LIX1L: variants seen among roughly 807,000 people sequenced by gnomAD.
LIX1L encodes the protein limb and CNS expressed 1 like.
Under a neutral mutation model 34.0 loss-of-function variants are expected in LIX1L, and 20 were observed. The ratio of observed to expected loss-of-function variants is 0.59; its 90% CI spans 0.41 to 0.85. The LOEUF is 0.85. Ranked by LOEUF, LIX1L falls within the 40% of genes least tolerant of loss-of-function variation. LIX1L has a pLI of 0.00. For synonymous variants in LIX1L, 170 were observed against 187.4 expected, an observed-to-expected ratio of 0.91 and a Z score of 0.76; for missense variants, 397 against 447.0, an observed-to-expected ratio of 0.89 and a Z score of 1.01.
chr1:145,942,613 AAAC>A (rs1648960845), intron 3 of LIX1L, 97 bp downstream of exon 3: 1 of 1,118,694 alleles, frequency 8.9e-7, no homozygotes, highest in Non-Finnish European at 1.3e-6. Flanking sequence ...ACCAGAAAGA[AAAC>A]AAGAATTCAT....
At chr1:145,952,156 G>T (rs1553759884) in intron 1 of LIX1L, among the ~76,000 whole-genome samples, 1 of 152,128 alleles carries the variant, frequency 6.6e-6, no homozygotes, top group African/African-American at 2.4e-5. Flanking sequence ...AGATTTCCGG[G>T]GGCCAATATT....
rs1553760652 is a variant in LIX1L, at chr1:145,957,850, G to A, written c.78C>T (p.Pro26=). The A allele has an allele frequency of 1.4e-6, 2 of 1,446,732 alleles. No individual in the cohort carries two copies. Among genetic ancestry groups the A allele is most frequent in the Non-Finnish European group, 1.8e-6 (2 of 1,101,988 alleles). 89.6% of individuals were successfully genotyped at this position (1,446,732 alleles called of 1,614,324 possible). A position where few individuals can be genotyped will look rare whatever the true frequency, so the allele number is the denominator to read the frequency against. The change falls in exon 1 of 6, where the codon CCC becomes CCT. Residue 26 remains proline, a synonymous_variant. Transcript: ENST00000604000. ...SGRGTLRALR[P]GVTGAAAATA... is the part of the protein sequence containing the mutation. Reference sequence around the variant, plus strand: ...TGGCGGCCGCGGCCCCAGTCACTCCGGGCCGCAGCGCTCGGAGAGTGCCCC... The same window carrying A: ...TGGCGGCCGCGGCCCCAGTCACTCCAGGCCGCAGCGCTCGGAGAGTGCCCC...
chr1:145,938,517 T>A, intron 3 of LIX1L, among the ~76,000 whole-genome samples: 1 of 152,190 alleles, frequency 6.6e-6, no homozygotes, highest in East Asian at 1.9e-4. Flanking sequence ...ATGGGAATAA[T>A]CATAGAGCTA....
intron 2 of LIX1L, among the ~76,000 whole-genome samples, chr1:145,944,255 G>A (rs1209956946): frequency 6.6e-6 from 1 of 152,130 alleles, no homozygotes; most frequent in Admixed American, 6.5e-5. Context: ...AGCTAGTCAG[G>A]AGGTTGAGGT....
At chr1:145,957,496 C>A in intron 1 of LIX1L, 140 bp downstream of exon 1, 2 of 1,204,488 alleles carry the variant, frequency 1.7e-6, no homozygotes, top group Non-Finnish European at 2.1e-6. Flanking sequence ...TGCGTCTGTG[C>A]GTGTGCGTAG....
chr1:145,951,314 C>CGG (rs781977155), intron 1 of LIX1L, among the ~76,000 whole-genome samples: 1 of 152,172 alleles, frequency 6.6e-6, no homozygotes, highest in South Asian at 2.1e-4. Flanking sequence ...CCCAAACTGC[C>CGG]GGGATTACAG....
chr1:145,936,415 A>C lies in LIX1L; in HGVS notation c.909T>G (p.Asp303Glu). 6.2e-7 allele frequency: 1 copy of C among 1,614,160 alleles called. No individual in the cohort carries two copies. The highest frequency in any genetic ancestry group is 1.1e-5 in the South Asian group (1 of 91,080). The change falls in exon 6 of 6, where the codon GAT becomes GAG. Residue 303 changes from aspartate to glutamate, a missense_variant. Physicochemically the swap from Asp to Glu is conservative, Grantham distance 45. This residue lies in a region of LIX1L where 174 missense variants were observed against 204.0 expected (regional missense o/e 0.85). Transcript: ENST00000604000. ...RELASTEREL[D>E]EARLAGKELR... ...GCTCCTTGCCTGCCAGTCGGGCTTC[A>C]TCCAGCTCCCGCTCAGTAGAGGCCA...
intron 2 of LIX1L, chr1:145,944,758 T>G (rs1381702579): frequency 6.6e-6 from 1 of 152,486 alleles, no homozygotes; most frequent in East Asian, 1.9e-4. Flanking sequence ...CTGGGCGAGG[T>G]GGCTCACACC....
Position 145,952,012 on chromosome 1 carries a change from T to G in LIX1L, c.293-4230A>C, listed in dbSNP as rs587750613. The stretch of plus-strand genomic sequence containing the variant: ...AAAGCAACTAATTGTGATCCGCATT[T>G]GAAAATGCTTCTAGACTTATTCATT... On this transcript the variant is annotated intron_variant, in intron 1 of 5. Transcript: ENST00000604000. Among the ~76,000 whole-genome samples the G allele has an allele frequency of 5.9e-5, 9 of 152,338 alleles. No individual in the cohort carries two copies. In the East Asian group the frequency reaches 1.3e-3, roughly 23 times the overall value.
intron 2 of LIX1L, among the ~76,000 whole-genome samples, 179 bp from the exon 3 acceptor site, chr1:145,943,032 A>G (rs1440694998): frequency 6.6e-6 from 1 of 152,224 alleles, no homozygotes. Flanking sequence ...TGGAAACATA[A>G]TTTTGATTCA....
intron 1 of LIX1L, among the ~76,000 whole-genome samples, chr1:145,954,000 C>T (rs781829683): frequency 2.0e-5 from 3 of 151,228 alleles, no homozygotes; most frequent in Non-Finnish European, 4.4e-5. Context: ...TTCCAGGCTG[C>T]GGTGAGCTAT....
rs1310717873 is a variant in LIX1L at position 145,948,322 on chromosome 1, A to C, written c.293-540T>G. The stretch of plus-strand genomic sequence containing the variant: ...ACTATCCATATTTTACAGATGAGGG[A>C]AATGAGGTACAGAGAAGTTAAATAA... On this transcript the variant is annotated intron_variant, in intron 1 of 5. Coordinates refer to ENST00000604000, the MANE Select transcript of LIX1L (RefSeq NM_153713.3). This position sits in a 1 kb window ranked among gnomAD's most constrained non-coding sequence, Gnocchi z 4.0. Among the ~76,000 whole-genome samples the C allele has an allele frequency of 1.3e-5, 2 of 152,216 alleles. No homozygotes were observed. Among genetic ancestry groups the C allele is most frequent in the Non-Finnish European group, 2.9e-5 (2 of 68,054 alleles).
At chr1:145,947,497 C>T (rs1649154881) in intron 2 of LIX1L, 122 bp downstream of exon 2, 1 of 1,028,904 alleles carries the variant, frequency 9.7e-7, no homozygotes, top group Non-Finnish European at 1.4e-6. Context: ...GAATAATTTC[C>T]CCAGAATTGC....
At chr1:145,940,266 T>A (rs1648849510) in intron 3 of LIX1L, among the ~76,000 whole-genome samples, 1 of 151,860 alleles carries the variant, frequency 6.6e-6, no homozygotes, top group Non-Finnish European at 1.5e-5. Flanking sequence ...GCGCCAACAA[T>A]GAATTTAGAG....
At chr1:145,953,715 T>A (rs1649376582) in intron 1 of LIX1L, among the ~76,000 whole-genome samples, 1 of 152,128 alleles carries the variant, frequency 6.6e-6, no homozygotes, top group African/African-American at 2.4e-5. Context: ...GGAGATGACC[T>A]AGATTATATA....
intron 2 of LIX1L, chr1:145,947,181 G>A (rs1649140235): frequency 6.1e-6 from 1 of 163,254 alleles, no homozygotes; most frequent in African/African-American, 2.4e-5. Context: ...GATGAGTACT[G>A]TTTCCAGCAT....
Position 145,942,748 on chromosome 1 carries a change from C to T in LIX1L, c.562G>A (p.Glu188Lys). Residue 188 changes from glutamate to lysine, a missense_variant, in exon 3 of 6, where the codon GAG (glutamate) becomes AAG (lysine). Around this residue, in one of 3 missense-constraint regions of LIX1L, gnomAD observed 174 missense variants for 204.0 expected, o/e 0.85. Coordinates refer to ENST00000604000, the MANE Select transcript of LIX1L (RefSeq NM_153713.3). ...GCCAGGGCCTCAGAGACACTCTTCT[C>T]GATGAACTCATCAGTGATTCTTCGG... ...PSRRITDEFI[E>K]KSVSEALASF... The T allele has an allele frequency of 2.5e-6, 4 of 1,614,118 alleles. No homozygotes were observed. Among genetic ancestry groups the T allele is most frequent in the Non-Finnish European group, 3.4e-6 (4 of 1,179,992 alleles).
Position 145,948,581 on chromosome 1 carries a change from G to C in LIX1L, c.293-799C>G, listed in dbSNP as rs1252060129. Among the ~76,000 whole-genome samples, 9 of 152,150 alleles carry C rather than the reference G, an allele frequency of 5.9e-5. No individual in the cohort carries two copies. The highest frequency in any genetic ancestry group is 1.9e-4 in the African/African-American group (8 of 41,436). On this transcript the variant is annotated intron_variant, in intron 1 of 5. Coordinates refer to ENST00000604000, the MANE Select transcript of LIX1L (RefSeq NM_153713.3). The surrounding 1 kb of genome is among the most constrained non-coding windows in gnomAD (Gnocchi z 4.0). ...GAAGCCAGGGCATGGGGGTGGGAGA[G>C]AAAACTCTTTTGAGGCTTTACCTGG...
chr1:145,947,711 C>G lies in LIX1L; in HGVS notation c.364G>C (p.Ala122Pro). 1 of 1,614,098 alleles carries G rather than the reference C, an allele frequency of 6.2e-7. No individual in the cohort carries two copies. Among genetic ancestry groups the G allele is most frequent in the Non-Finnish European group, 8.5e-7 (1 of 1,180,000 alleles). Reference protein sequence around the residue: ...QSRGADLKNGALVVYEMVPSN... With the variant: ...QSRGADLKNGPLVVYEMVPSN... Reference sequence around the variant, plus strand: ...GGAACCATCTCATAAACCACTAGAGCCCCATTCTTTAAGTCAGCACCACGG... The same window carrying G: ...GGAACCATCTCATAAACCACTAGAGGCCCATTCTTTAAGTCAGCACCACGG... Residue 122 changes from alanine to proline, a missense_variant, in exon 2 of 6, where the codon GCT (alanine) becomes CCT (proline). Physicochemically the swap from Ala to Pro is conservative, Grantham distance 27. This residue lies in a region of LIX1L where 207 missense variants were observed against 205.2 expected (regional missense o/e 1.01). Transcript: ENST00000604000.
Sources: gnomAD v4.1 joint callset for allele counts (sites outside exome capture counted in the v4.1 genomes callset) on GRCh38, gnomAD v4.1.1 for gene constraint, gnomAD v4.1.1 regional missense constraint, Gnocchi (gnomAD v3.1) non-coding constraint, MANE v1.5 for transcripts, NCBI Gene and HGNC (gene_info 2026-07-23, HGNC 2026-07-21) for gene names.